IDNK: variants seen among roughly 807,000 people sequenced by gnomAD.
The protein encoded by IDNK is IDNK gluconokinase, also known as gluconokinase.
Under a neutral mutation model 13.0 loss-of-function variants are expected in IDNK, and 9 were observed. That is an observed-to-expected ratio of 0.69 (90% confidence interval 0.42 to 1.21). The LOEUF (loss-of-function observed/expected upper bound fraction) is 1.21. Among genes scored for constraint, IDNK ranks in the 50% most tolerant of loss-of-function variants. IDNK has a pLI of 0.00. For missense variants in IDNK, 210 were observed against 237.8 expected, an observed-to-expected ratio of 0.88 and a Z score of 0.77; for synonymous variants, 92 against 94.9, an observed-to-expected ratio of 0.97 and a Z score of 0.18.
chr9:83,631,396 C>A (rs10780619), intron 3 of IDNK, among the ~76,000 whole-genome samples: 4 of 142,384 alleles, frequency 2.8e-5, no homozygotes, highest in Admixed American at 1.4e-4. Context: ...GGCTGAAGAC[C>A]AGGAGCTTGA....
chr9:83,643,596 C>T lies in IDNK; in HGVS notation c.380C>T (p.Ser127Leu), dbSNP rs1049528229. 1.1e-5 allele frequency: 17 copies of T among 1,613,792 alleles called. No individual in the cohort carries two copies. The South Asian group carries it at 1.2e-4, about 11-fold the overall frequency. ...CTCCTGGTGGTCCATCTGAGCGGGTCGTTTGAGGTCATCTCTGGACGCTTA... is the reference window on the plus strand; with the variant it reads ...CTCCTGGTGGTCCATCTGAGCGGGTTGTTTGAGGTCATCTCTGGACGCTTA... The part of the protein sequence containing the change: ...MQLLVVHLSG[S>L]FEVISGRLLK... Residue 127 changes from serine to leucine, a missense_variant, in exon 5 of 5, where the codon TCG becomes TTG. Physicochemically the swap from Ser to Leu is moderately radical, Grantham distance 145 (BLOSUM62 -2). Coordinates refer to ENST00000376419, the MANE Select transcript of IDNK (RefSeq NM_001001551.4).
At chr9:83,632,767 C>A (rs994614534) in intron 3 of IDNK, among the ~76,000 whole-genome samples, 1 of 152,230 alleles carries the variant, frequency 6.6e-6, no homozygotes, top group East Asian at 1.9e-4. Context: ...TCTAAAACTT[C>A]TGTGTGTTTG....
At chr9:83,643,325 C>G in intron 4 of IDNK, 104 bp from the exon 5 acceptor site, 1 of 854,828 alleles carries the variant, frequency 1.2e-6, no homozygotes, top group South Asian at 1.9e-5. Flanking sequence ...ATGCCTTCCA[C>G]TGGCAGGAAG....
chr9:83,637,673 A>C (rs1831200506), intron 3 of IDNK, among the ~76,000 whole-genome samples: 5 of 152,188 alleles, frequency 3.3e-5, no homozygotes, highest in Admixed American at 3.3e-4. Context: ...CCACTCCCCC[A>C]CATTTTTTGA....
Position 83,643,693 on chromosome 9 carries a change from A to G in IDNK, c.477A>G (p.Ala159=), listed in dbSNP as rs1405805624. ...QSQFETLEPP[A]APENFIQISV... ...AGTTTGAGACTCTGGAGCCCCCAGC[A>G]GCTCCAGAAAACTTTATCCAAATAA... Residue 159 remains alanine (A), a synonymous_variant, in exon 5 of 5, where the codon GCA becomes GCG. Coordinates refer to ENST00000376419, the MANE Select transcript of IDNK (RefSeq NM_001001551.4). 1.9e-6 allele frequency: 3 copies of G among 1,613,824 alleles called. No individual in the cohort carries two copies. In the African/African-American group the frequency reaches 4.0e-5, roughly 22 times the overall value.
chr9:83,626,591 A>AT, intron 1 of IDNK: 1 of 665,328 alleles, frequency 1.5e-6, no homozygotes, highest in Non-Finnish European at 2.4e-6. Context: ...TAAGTTTTGT[A>AT]TTTTTAGTTG....
intron 3 of IDNK, among the ~76,000 whole-genome samples, chr9:83,630,404 C>T (rs1002440824): frequency 6.6e-6 from 1 of 152,166 alleles, no homozygotes; most frequent in Non-Finnish European, 1.5e-5. Context: ...TAAACATAGG[C>T]AACCTGGTTC....
upstream of IDNK, chr9:83,623,123 C>T: frequency 1.1e-5 from 16 of 1,395,442 alleles, no homozygotes; most frequent in South Asian, 1.6e-4. Context: ...CCGGGTAGGC[C>T]GGGGCCGGCG....
At chr9:83,624,791 G>A (rs1830803948) in intron 1 of IDNK, among the ~76,000 whole-genome samples, 1 of 152,004 alleles carries the variant, frequency 6.6e-6, no homozygotes, top group East Asian at 1.9e-4. Flanking sequence ...TTGGCTCAAT[G>A]CAACCTCCTC....
intron 1 of IDNK, chr9:83,626,920 A>C (rs954444033): frequency 2.2e-6 from 2 of 894,106 alleles, no homozygotes; most frequent in African/African-American, 3.6e-5. Flanking sequence ...ACTGTGTCTA[A>C]CACCTCTCTG....
chr9:83,628,650 CA>C (rs34312050), intron 2 of IDNK, among the ~76,000 whole-genome samples: 626 of 131,164 alleles, frequency 4.8e-3, no homozygotes, highest in Middle Eastern at 0.012. Flanking sequence ...GACTACATTT[CA>C]AAAAAAAAAA....
At chr9:83,624,408 C>G (rs1209186861) in intron 1 of IDNK, among the ~76,000 whole-genome samples, 1 of 152,208 alleles carries the variant, frequency 6.6e-6, no homozygotes, top group African/African-American at 2.4e-5. Context: ...AATCCTTACT[C>G]TATGTCATTG....
intron 3 of IDNK, among the ~76,000 whole-genome samples, chr9:83,639,210 ATAAT>A (rs1452911988): frequency 6.6e-6 from 1 of 152,218 alleles, no homozygotes; most frequent in African/African-American, 2.4e-5. Flanking sequence ...ATTCATATAA[ATAAT>A]TTATGTTAAA....
intron 4 of IDNK, among the ~76,000 whole-genome samples, chr9:83,643,207 A>T (rs1831361646): frequency 6.6e-6 from 1 of 152,194 alleles, no homozygotes; most frequent in Non-Finnish European, 1.5e-5. Flanking sequence ...ACAGATGATG[A>T]ACTGACGCTC....
chr9:83,628,235 T>C (rs1301046978), intron 2 of IDNK, 24 bp downstream of exon 2: 1 of 1,529,370 alleles, frequency 6.5e-7, no homozygotes. Flanking sequence ...CCTAATGCCT[T>C]CCGAGTGCTT....
chr9:83,634,726 A>T (rs1831118186), intron 3 of IDNK, among the ~76,000 whole-genome samples: 1 of 152,258 alleles, frequency 6.6e-6, no homozygotes, highest in African/African-American at 2.4e-5. Flanking sequence ...GGAATGTACA[A>T]TCTGAGCAAA....
At chr9:83,623,522 A>T (rs1402086638) in intron 1 of IDNK, 6 of 365,266 alleles carry the variant, frequency 1.6e-5, no homozygotes, top group South Asian at 1.5e-4. Context: ...GGGGCCGCGC[A>T]GGTGGAGGCC....
intron 1 of IDNK, among the ~76,000 whole-genome samples, chr9:83,624,804 C>G (rs924971438): frequency 1.3e-5 from 2 of 152,000 alleles, no homozygotes; most frequent in African/African-American, 4.8e-5. Context: ...ACCTCCTCCT[C>G]CCGGGTTCAA....
chr9:83,625,187 G>A (rs1344150457), intron 1 of IDNK, among the ~76,000 whole-genome samples: 2 of 152,232 alleles, frequency 1.3e-5, no homozygotes, highest in Non-Finnish European at 2.9e-5. Flanking sequence ...TTGGGTGTAA[G>A]AAGACAAGAG....
Sources: allele counts gnomAD v4.1 joint callset (sites outside exome capture counted in the v4.1 genomes callset), GRCh38; gene constraint gnomAD v4.1.1; transcripts MANE v1.5; gene names NCBI Gene and HGNC (gene_info 2026-07-23, HGNC 2026-07-21).